The following LDB3 variants were observed in gnomAD, a reference collection of about 807,000 sequenced individuals.
LDB3 encodes the protein LIM domain-binding protein 3.
A neutral mutation model predicts 69.0 loss-of-function variants in LDB3; 49 were observed. The ratio of observed to expected loss-of-function variants is 0.71; its 90% CI spans 0.56 to 0.90. LDB3 has a LOEUF of 0.90. LDB3 is among the 40% of genes least tolerant of loss of function. LDB3 has a pLI of 0.00. For missense variants in LDB3, 928 were observed against 974.1 expected, an observed-to-expected ratio of 0.95 and a Z score of 0.63; for synonymous variants, 387 against 396.2, an observed-to-expected ratio of 0.98 and a Z score of 0.28.
At chr10:86,709,786 A>T in intron 8 of LDB3, 119 bp from the exon 9 acceptor site, 2 of 1,086,118 alleles carry the variant, frequency 1.8e-6, no homozygotes, top group Non-Finnish European at 2.7e-6. Flanking sequence ...GTTCCCCAGA[A>T]ATGTCTCTGT....
At chr10:86,716,036 G>C (rs1226626977) in intron 9 of LDB3, among the ~76,000 whole-genome samples, 2 of 150,882 alleles carry the variant, frequency 1.3e-5, no homozygotes, top group Non-Finnish European at 3.0e-5. Context: ...GCCTTGGGCA[G>C]TCAAGGCCTG....
At chr10:86,716,170 C>A (rs1846860912) in intron 9 of LDB3, among the ~76,000 whole-genome samples, 157 bp from the exon 10 acceptor site, 1 of 152,166 alleles carries the variant, frequency 6.6e-6, no homozygotes, top group South Asian at 2.1e-4. Context: ...CAAATCTGGG[C>A]CATCAAGAAG....
rs200580597 is a variant in LDB3 at position 86,691,929 on chromosome 10, C to T, written c.723C>T (p.Ser241=). The T allele has an allele frequency of 1.5e-5, 25 of 1,614,030 alleles. No individual in the cohort carries two copies. Among genetic ancestry groups the T allele is most frequent in the East Asian group, 6.7e-5 (3 of 44,894 alleles). Reference sequence around the variant, plus strand: ...CTATTAAGGACCTTGCCGTAGACAGCGCCTCTCCCGTCTACCAGGCTGTGA... The same window carrying T: ...CTATTAAGGACCTTGCCGTAGACAGTGCCTCTCCCGTCTACCAGGCTGTGA... ...SLPIKDLAVD[S]ASPVYQAVIK... The change falls in exon 6 of 14, where the codon AGC becomes AGT. Residue 241 remains serine, a synonymous_variant. Coordinates refer to ENST00000361373, the MANE Select transcript of LDB3 (RefSeq NM_007078.3).
chr10:86,705,690 G>A (rs889054664), intron 7 of LDB3, among the ~76,000 whole-genome samples: 5 of 152,200 alleles, frequency 3.3e-5, no homozygotes, highest in African/African-American at 1.2e-4. Flanking sequence ...CACTGGCAGT[G>A]TGGTCGCCTT....
chr10:86,711,641 G>A (rs1846670502), intron 9 of LDB3, among the ~76,000 whole-genome samples: 1 of 151,728 alleles, frequency 6.6e-6, no homozygotes, highest in Admixed American at 6.6e-5. Flanking sequence ...GGAGCGCCGC[G>A]GCCGCAGCCG....
Position 86,734,876 on chromosome 10 carries a change from T to C in LDB3, c.*1900T>C, listed in dbSNP as rs35222021. 0.23 allele frequency: 35,320 copies of C among 152,044 alleles called. 4,867 individuals are homozygous for C. The highest frequency in any genetic ancestry group is 0.58 in the East Asian group (2,975 of 5,160). 9.4% of individuals were successfully genotyped at this position (152,044 alleles called of 1,614,324 possible). ...CAGACAAGTACCTTGGAGCATTCTG[T>C]TATTTTTGGAAAGTTCAAATATGCA... On this transcript the variant is annotated 3_prime_UTR_variant, in exon 14 of 14. Coordinates refer to ENST00000361373, the MANE Select transcript of LDB3 (RefSeq NM_007078.3).
chr10:86,671,376 G>A (rs1019926546), intron 2 of LDB3, among the ~76,000 whole-genome samples: 4 of 152,216 alleles, frequency 2.6e-5, no homozygotes, highest in African/African-American at 7.2e-5. Context: ...TGCAGGCTGG[G>A]TGGTGGCTCC....
At position 86,681,689 on chromosome 10, in the gene LDB3, C is replaced by T. The variant is rs758182278; in HGVS notation, c.575C>T (p.Pro192Leu). Residue 192 changes from proline to leucine, a missense_variant, in exon 5 of 14, where the codon CCG becomes CTG. Transcript: ENST00000361373. ...AAAGCCCTGCCGGGCTCGAGCCAGC[C>T]GAGGCAATATAACAACCCCATTGGC... ...GPKALPGSSQPRQYNNPIGLY... is the reference protein window; with the variant it reads ...GPKALPGSSQLRQYNNPIGLY... 9.9e-6 allele frequency: 16 copies of T among 1,613,504 alleles called. No homozygotes were observed. The highest frequency in any genetic ancestry group is 3.3e-4 in the Middle Eastern group (2 of 6,084).
In LDB3 at chr10:86,699,209, T is replaced by C. The variant is rs1006040123; in HGVS notation, c.896+6638T>C. On this transcript the variant is annotated intron_variant, in intron 7 of 13. Transcript: ENST00000361373. The surrounding 1 kb of genome is among the most constrained non-coding windows in gnomAD (Gnocchi z 4.9). ...TCCCTAACCCCTTTCATTCTCCCTC[T>C]CTTCTCTCTCTTTCTGTCTCTGTCT... 1.0e-5 allele frequency: 16 copies of C among 1,575,032 alleles called. No individual in the cohort carries two copies. The highest frequency in any genetic ancestry group is 1.4e-5 in the Non-Finnish European group (16 of 1,150,914).
intron 7 of LDB3, among the ~76,000 whole-genome samples, chr10:86,695,543 G>C (rs1462188159): frequency 6.6e-6 from 1 of 152,226 alleles, no homozygotes. Flanking sequence ...GAAGGACCAG[G>C]CACCTTAGGA....
rs552716349 is a variant in LDB3, at chr10:86,703,353, A to C, written c.897-3178A>C. 4.6e-5 allele frequency among the ~76,000 whole-genome samples: 7 copies of C among 152,368 alleles called. No individual in the cohort carries two copies. In the East Asian group the frequency reaches 1.4e-3, roughly 29 times the overall value. On this transcript the variant is annotated intron_variant, in intron 7 of 13. Coordinates refer to ENST00000361373, the MANE Select transcript of LDB3 (RefSeq NM_007078.3). Reference sequence around the variant, plus strand: ...GAGACTGCAGCTACTTCTCTGAGGCAGTCACATCACCGGCATGGCTTCCAG... The same window carrying C: ...GAGACTGCAGCTACTTCTCTGAGGCCGTCACATCACCGGCATGGCTTCCAG...
At chr10:86,714,027 G>A (rs1168286069) in intron 9 of LDB3, among the ~76,000 whole-genome samples, 1 of 152,238 alleles carries the variant, frequency 6.6e-6, no homozygotes, top group African/African-American at 2.4e-5. Context: ...CTGACACCCA[G>A]GTTGCCCCCA....
intron 11 of LDB3, among the ~76,000 whole-genome samples, 191 bp downstream of exon 11, chr10:86,718,335 G>A (rs980495036): frequency 5.9e-5 from 9 of 152,244 alleles, no homozygotes; most frequent in Non-Finnish European, 1.3e-4. Context: ...AGATGATTGT[G>A]TGCCTGTTCC....
intron 9 of LDB3, among the ~76,000 whole-genome samples, chr10:86,710,542 C>A (rs1394437736): frequency 6.6e-6 from 1 of 152,236 alleles, no homozygotes; most frequent in Admixed American, 6.5e-5. Flanking sequence ...GAGACTGCAC[C>A]ATTGCACTCC....
chr10:86,725,076 A>G (rs1383628126), intron 12 of LDB3, among the ~76,000 whole-genome samples: 1 of 152,260 alleles, frequency 6.6e-6, no homozygotes, highest in African/African-American at 2.4e-5. Context: ...ACAGGAAATC[A>G]CTTAAGAAAA....
Position 86,710,060 on chromosome 10 carries a change from A to T in LDB3, c.1231+10A>T, listed in dbSNP as rs1846586037. The T allele has an allele frequency of 1.2e-6, 2 of 1,612,096 alleles. No homozygotes were observed. The highest frequency in any genetic ancestry group is 4.5e-5 in the East Asian group (2 of 44,884). ...TCTGTCTACCAGCCAGGTAAGAGGCAGAGCAGGAGGGGAGGCTGTCGAAAG... is the reference window on the plus strand; with the variant it reads ...TCTGTCTACCAGCCAGGTAAGAGGCTGAGCAGGAGGGGAGGCTGTCGAAAG... On this transcript the variant is annotated intron_variant, in intron 9 of 13. Coordinates refer to ENST00000361373, the MANE Select transcript of LDB3 (RefSeq NM_007078.3).
chr10:86,682,221 G>A (rs1259877885), intron 5 of LDB3, among the ~76,000 whole-genome samples: 2 of 152,194 alleles, frequency 1.3e-5, no homozygotes, highest in Non-Finnish European at 2.9e-5. Context: ...TCGGAGGCAG[G>A]AGCAGGGGAG....
chr10:86,692,029 T>C lies in LDB3; in HGVS notation c.823T>C (p.Phe275Leu). 1 of 1,614,182 alleles carries C rather than the reference T, an allele frequency of 6.2e-7. No homozygotes were observed. ...RRSSNLQSRS[F>L]RILAQMTGTE... is the part of the protein sequence containing the mutation. ...TTCCTCCAACCTGCAGTCTCGCTCC[T>C]TCCGCATCCTGGCCCAGATGACGGG... The change falls in exon 6 of 14, where the codon TTC (phenylalanine) becomes CTC (leucine). Residue 275 changes from phenylalanine (F) to leucine (L), a missense_variant. By Grantham distance (22) the Phe-to-Leu change is conservative. Transcript: ENST00000361373.
intron 12 of LDB3, among the ~76,000 whole-genome samples, chr10:86,720,174 G>A (rs1439725501): frequency 6.6e-6 from 1 of 152,212 alleles, no homozygotes; most frequent in Non-Finnish European, 1.5e-5. Flanking sequence ...GCTGGGCGCG[G>A]TGGCTCACGC....
Sources: allele counts gnomAD v4.1 joint callset (sites outside exome capture counted in the v4.1 genomes callset), GRCh38; gene constraint gnomAD v4.1.1; non-coding constraint Gnocchi (gnomAD v3.1); transcripts MANE v1.5; gene names NCBI Gene and HGNC (gene_info 2026-07-23, HGNC 2026-07-21).